The following SELENOW variants were observed in gnomAD, a reference collection of about 807,000 sequenced individuals.
SELENOW encodes the protein selenoprotein W.
In SELENOW, 20 loss-of-function variants were observed where a neutral mutation model predicts 16.6. That is an observed-to-expected ratio of 1.21 (90% confidence interval 0.85 to 1.76). The LOEUF (loss-of-function observed/expected upper bound fraction) is 1.76, where lower values mean the gene tolerates loss of function less well. Among genes scored for constraint, SELENOW ranks in the 40% most tolerant of loss-of-function variants. SELENOW has a pLI of 0.00. For missense variants in SELENOW, 124 were observed against 111.0 expected (o/e 1.12, Z -0.53); for synonymous variants, 44 against 46.2 (o/e 0.95, Z 0.19).
Position 47,784,652 on chromosome 19 carries a change from C to T in SELENOW, c.*381C>T, listed in dbSNP as rs1568609133. 6.6e-6 allele frequency: 1 copy of T among 152,168 alleles called. No individual in the cohort carries two copies. The highest frequency in any genetic ancestry group is 2.1e-4 in the South Asian group (1 of 4,828). 9.4% of individuals were successfully genotyped at this position (152,168 alleles called of 1,614,324 possible). ...GATTGTGGCAACGTTTGCAACCGTT[C>T]ACGATTCAATAAATATTGGATGAAT... On this transcript the variant is annotated 3_prime_UTR_variant, in exon 6 of 6. Coordinates refer to ENST00000601048, the MANE Select transcript of SELENOW (RefSeq NM_003009.4).
rs1349820272 is a variant in SELENOW at position 47,781,187 on chromosome 19, G to A, written c.183+5G>A. On this transcript the variant is annotated splice_donor_5th_base_variant and intron_variant, in intron 4 of 5. Coordinates refer to ENST00000601048, the MANE Select transcript of SELENOW (RefSeq NM_003009.4). ...AAGTTGATTCACTCTAAGAAGGTAT[G>A]TCTGTCTGTCCGTCCTGCCTGGTTT... is the stretch of plus-strand genomic sequence containing the variant. 1 of 1,613,326 alleles carries A rather than the reference G, an allele frequency of 6.2e-7. No homozygotes were observed. Among genetic ancestry groups the A allele is most frequent in the Non-Finnish European group, 8.5e-7 (1 of 1,179,456 alleles).
Position 47,781,432 on chromosome 19 carries a change from T to C in SELENOW, c.*18+44T>C, listed in dbSNP as rs1967475819. 6 of 1,079,348 alleles carry C rather than the reference T, an allele frequency of 5.6e-6. No individual in the cohort carries two copies. The Admixed American group carries it at 1.2e-4, about 22-fold the overall frequency. The allele number at this position is 1,079,348 out of a possible 1,614,324, so 66.9% of individuals were successfully genotyped here. A position where few individuals can be genotyped will look rare whatever the true frequency, so the allele number is the denominator to read the frequency against. On this transcript the variant is annotated intron_variant, in intron 5 of 5. Transcript: ENST00000601048. ...CAGGGACACCACCCTTTGGATCTTC[T>C]CCCTGCCCCATGCTCTGACTCCTTG...
At chr19:47,782,307 A>C (rs188025061) in intron 5 of SELENOW, 4 of 152,390 alleles carry the variant, frequency 2.6e-5, no homozygotes, top group Admixed American at 2.6e-4. Context: ...AGAATGCTCT[A>C]GAAACAAATG....
rs187150425 is a variant in SELENOW, at chr19:47,780,215, C to T, written c.30-510C>T. The T allele has an allele frequency of 3.3e-4, 134 of 400,504 alleles. 1 individual carries two copies. Among genetic ancestry groups the T allele is most frequent in the African/African-American group, 2.7e-3 (130 of 47,956 alleles). The allele number at this position is 400,504 out of a possible 1,614,324, so 24.8% of individuals were successfully genotyped here. A position where few individuals can be genotyped will look rare whatever the true frequency, so the allele number is the denominator to read the frequency against. ...CTGAGGTTAGGAGTTCGAGACCAGC[C>T]TGGCCAACATGGTGAAAATACAAAA... is the stretch of plus-strand genomic sequence containing the variant. On this transcript the variant is annotated intron_variant, in intron 1 of 5. Coordinates refer to ENST00000601048, the MANE Select transcript of SELENOW (RefSeq NM_003009.4).
At chr19:47,784,034 C>T (rs549286369) in intron 5 of SELENOW, 8 of 152,350 alleles carry the variant, frequency 5.3e-5, no homozygotes, top group Admixed American at 3.3e-4. Flanking sequence ...GTAGCTGGGA[C>T]TACAGTTGTG....
chr19:47,780,941 G>A (rs764021372), intron 3 of SELENOW, 24 bp downstream of exon 3: 1 of 1,612,832 alleles, frequency 6.2e-7, no homozygotes, highest in Admixed American at 1.7e-5. Flanking sequence ...TGGGGAGAAA[G>A]ACTTGAGCAC....
In SELENOW at chr19:47,778,774, C is replaced by T; in HGVS notation, c.-12C>T. On this transcript the variant is annotated 5_prime_UTR_variant, in exon 1 of 6. It introduces an in-frame stop codon into an upstream open reading frame of the 5' UTR. Coordinates refer to ENST00000601048, the MANE Select transcript of SELENOW (RefSeq NM_003009.4). ...GGCGTCCGCTCCTCAGCGGATGTGG[C>T]AGCCCCGAGCCATGGCTCTCGCCGT... 1 of 1,602,398 alleles carries T rather than the reference C, an allele frequency of 6.2e-7. No individual in the cohort carries two copies. The highest frequency in any genetic ancestry group is 8.5e-7 in the Non-Finnish European group (1 of 1,175,526).
At chr19:47,780,794 G>A (rs1182195102) in intron 2 of SELENOW, 45 bp downstream of exon 2, 1 of 1,594,350 alleles carries the variant, frequency 6.3e-7, no homozygotes, top group Non-Finnish European at 8.5e-7. Context: ...GAGCTGGGGA[G>A]GGGTAGAGTG....
chr19:47,781,440 C>A, intron 5 of SELENOW, 52 bp downstream of exon 5: 1 of 1,016,578 alleles, frequency 9.8e-7, no homozygotes, highest in Non-Finnish European at 1.5e-6. Context: ...TCTCCCTGCC[C>A]CATGCTCTGA....
At chr19:47,780,503 C>T (rs868520566) in intron 1 of SELENOW, 21 of 585,582 alleles carry the variant, frequency 3.6e-5, no homozygotes, top group South Asian at 2.4e-4. Flanking sequence ...TGTGTCCCCG[C>T]GCCACCCCCT....
Position 47,778,817 on chromosome 19 carries a change from A to C in SELENOW, c.29+3A>C. ...CTCGCCGTCCGAGTCGTTTATTGGT[A>C]AGCCCAGCGGCCAGCGGCCCCCGTC... On this transcript the variant is annotated splice_donor_region_variant and intron_variant, in intron 1 of 5. Coordinates refer to ENST00000601048, the MANE Select transcript of SELENOW (RefSeq NM_003009.4). 1 of 1,377,176 alleles carries C rather than the reference A, an allele frequency of 7.3e-7. No homozygotes were observed. Among genetic ancestry groups the C allele is most frequent in the East Asian group, 2.5e-5 (1 of 40,424 alleles). The allele number at this position is 1,377,176 out of a possible 1,614,324, so 85.3% of individuals were successfully genotyped here.
At chr19:47,781,882 A>G (rs1030228416) in intron 5 of SELENOW, among the ~76,000 whole-genome samples, 6 of 151,538 alleles carry the variant, frequency 4.0e-5, no homozygotes, top group South Asian at 2.1e-4. Flanking sequence ...GCAGGATGAC[A>G]GCTGAGATGG....
At chr19:47,781,533 G>A (rs1014298311) in intron 5 of SELENOW, 145 bp downstream of exon 5, 94 of 618,276 alleles carry the variant, frequency 1.5e-4, no homozygotes, top group Middle Eastern at 1.3e-3. Flanking sequence ...AGTTAGACCC[G>A]GTTGGTGGAG....
intron 4 of SELENOW, 33 bp downstream of exon 4, chr19:47,781,215 G>A (rs899857796): frequency 6.8e-6 from 11 of 1,607,608 alleles, no homozygotes; most frequent in Non-Finnish European, 9.4e-6. Flanking sequence ...CCTGGTTTTG[G>A]GGCTAGCATG....
intron 5 of SELENOW, chr19:47,783,073 C>G (rs1482913584): frequency 1.3e-5 from 2 of 152,298 alleles, no homozygotes; most frequent in South Asian, 2.1e-4. Context: ...GAGTCTCGCT[C>G]TGTCGCCCAG....
chr19:47,778,957 G>A (rs1967440330), intron 1 of SELENOW, 143 bp downstream of exon 1: 9 of 747,362 alleles, frequency 1.2e-5, no homozygotes, highest in Non-Finnish European at 1.7e-5. Context: ...TGGGGTGGGC[G>A]TACGGAGGGG....
intron 1 of SELENOW, 21 bp from the exon 2 acceptor site, chr19:47,780,704 T>G (rs747395184): frequency 6.4e-7 from 1 of 1,553,218 alleles, no homozygotes; most frequent in Admixed American, 2.0e-5. Context: ...TGGGCCCCAA[T>G]GTCTTGGACT....
At chr19:47,781,722 A>G (rs1367421173) in intron 5 of SELENOW, among the ~76,000 whole-genome samples, 1 of 151,278 alleles carries the variant, frequency 6.6e-6, no homozygotes, top group Non-Finnish European at 1.5e-5. Flanking sequence ...AAAGGTATGC[A>G]GGATGACGGC....
chr19:47,780,995 G>T (rs2123697390), intron 3 of SELENOW, 78 bp downstream of exon 3: 1 of 1,563,352 alleles, frequency 6.4e-7, no homozygotes. Flanking sequence ...ACTGCAGGGG[G>T]GTTAGGTCAG....
Sources: allele counts gnomAD v4.1 joint callset (sites outside exome capture counted in the v4.1 genomes callset), GRCh38; gene constraint gnomAD v4.1.1; transcripts MANE v1.5; gene names NCBI Gene and HGNC (gene_info 2026-07-23, HGNC 2026-07-21).